TNFSF13B: variants seen among roughly 807,000 people sequenced by gnomAD.
TNFSF13B encodes tumor necrosis factor ligand superfamily member 13B.
TNFSF13B carries 8 observed loss-of-function variants against 29.1 expected under a neutral mutation model. That is an observed-to-expected ratio of 0.27 (90% confidence interval 0.16 to 0.50). The LOEUF (loss-of-function observed/expected upper bound fraction) is 0.50. TNFSF13B is among the 20% of genes least tolerant of loss of function. The probability of loss-of-function intolerance (pLI) is 0.98; values close to 1 mark genes in which losing one functional copy is unlikely to be tolerated. For missense variants in TNFSF13B, 248 were observed against 334.9 expected (o/e 0.74, Z 2.03); for synonymous variants, 125 against 130.8 (o/e 0.96, Z 0.30).
At chr13:108,299,757 T>A (rs553996449) in intron 3 of TNFSF13B, among the ~76,000 whole-genome samples, 12 of 152,194 alleles carry the variant, frequency 7.9e-5, no homozygotes, top group South Asian at 4.1e-4. Flanking sequence ...AGAGCCCAGG[T>A]AGGTATGTGG....
intron 3 of TNFSF13B, among the ~76,000 whole-genome samples, chr13:108,299,467 G>T (rs1255328093): frequency 6.6e-6 from 1 of 151,916 alleles, no homozygotes; most frequent in African/African-American, 2.4e-5. Context: ...CACTTGTTTA[G>T]TAATTTTTCC....
intron 2 of TNFSF13B, among the ~76,000 whole-genome samples, chr13:108,279,709 A>C (rs1880878352): frequency 6.6e-6 from 1 of 152,174 alleles, no homozygotes; most frequent in Admixed American, 6.5e-5. Context: ...TGGGCTAGGA[A>C]TTGTGAAAAA....
chr13:108,297,375 C>T lies in TNFSF13B; in HGVS notation c.482-5878C>T, dbSNP rs114558928. Among the ~76,000 whole-genome samples the T allele has an allele frequency of 5.6e-3, 822 of 145,632 alleles. 116 individuals are homozygous for T. The highest frequency in any genetic ancestry group is 0.02 in the African/African-American group (791 of 38,796). On this transcript the variant is annotated intron_variant, in intron 3 of 5. Coordinates refer to ENST00000375887, the MANE Select transcript of TNFSF13B (RefSeq NM_006573.5). The stretch of plus-strand genomic sequence containing the variant: ...TCTCTTTCTGCTTTCAAGATCTCCT[C>T]CTTGTCATTATCTTTTAATAGCTTG...
chr13:108,270,120 C>A lies in TNFSF13B; in HGVS notation c.225C>A (p.Asp75Glu). The A allele has an allele frequency of 6.2e-7, 1 of 1,602,614 alleles. No homozygotes were observed. Among genetic ancestry groups the A allele is most frequent in the Non-Finnish European group, 8.5e-7 (1 of 1,179,902 alleles). ...SFYQVAALQG[D>E]LASLRAELQG... ...ACCAGGTGGCCGCCCTGCAAGGGGA[C>A]CTGGCCAGCCTCCGGGCAGAGCTGC... Residue 75 changes from aspartate to glutamate, a missense_variant, in exon 1 of 6, where the codon GAC becomes GAA. Around this residue, in one of 2 missense-constraint regions of TNFSF13B, gnomAD observed 186 missense variants for 196.3 expected, o/e 0.95. Transcript: ENST00000375887.
At chr13:108,281,726 C>T (rs1291858171) in intron 2 of TNFSF13B, among the ~76,000 whole-genome samples, 2 of 152,156 alleles carry the variant, frequency 1.3e-5, no homozygotes, top group East Asian at 1.9e-4. Flanking sequence ...TCAAAGTTCT[C>T]GACTTTTATT....
At chr13:108,295,393 A>G (rs9520832) in intron 3 of TNFSF13B, among the ~76,000 whole-genome samples, 110,261 of 143,486 alleles carry the variant, frequency 0.77, 46,933 homozygotes, top group Non-Finnish European at 0.89. Context: ...GGATTTCACC[A>G]TGTTGGTCAG....
intron 2 of TNFSF13B, among the ~76,000 whole-genome samples, chr13:108,275,069 T>C (rs1341295996): frequency 6.6e-6 from 1 of 152,196 alleles, no homozygotes; most frequent in Non-Finnish European, 1.5e-5. Context: ...TTTTTGATTG[T>C]AGTATAATAA....
rs1283864344 is a variant in TNFSF13B, at chr13:108,306,975, T to G, written c.*37T>G. The G allele has an allele frequency of 1.1e-6, 1 of 936,250 alleles. No individual in the cohort carries two copies. The highest frequency in any genetic ancestry group is 1.6e-6 in the Non-Finnish European group (1 of 634,280). 58.0% of individuals were successfully genotyped at this position (936,250 alleles called of 1,614,324 possible). ...CATGTCTGTAGCTATTTTCCTCCCTTTCTCTGTACCTCTAAGAAGAAAGAA... is the reference window on the plus strand; with the variant it reads ...CATGTCTGTAGCTATTTTCCTCCCTGTCTCTGTACCTCTAAGAAGAAAGAA... On this transcript the variant is annotated 3_prime_UTR_variant, in exon 6 of 6. Transcript: ENST00000375887.
intron 2 of TNFSF13B, among the ~76,000 whole-genome samples, chr13:108,283,266 T>A (rs1169970479): frequency 6.6e-6 from 1 of 152,248 alleles, no homozygotes; most frequent in Non-Finnish European, 1.5e-5. Context: ...AGTAACTTTG[T>A]CTGGAACAAG....
At chr13:108,279,290 A>T (rs1238031854) in intron 2 of TNFSF13B, among the ~76,000 whole-genome samples, 1 of 152,212 alleles carries the variant, frequency 6.6e-6, no homozygotes, top group Non-Finnish European at 1.5e-5. Context: ...AGGGAGAGAA[A>T]CAGTTACAGA....
At position 108,307,624 on chromosome 13, in the gene TNFSF13B, C is replaced by A. The variant is rs1881817186; in HGVS notation, c.*686C>A. 1 of 151,700 alleles carries A rather than the reference C, an allele frequency of 6.6e-6. No homozygotes were observed. The highest frequency in any genetic ancestry group is 2.1e-4 in the South Asian group (1 of 4,820). 9.4% of individuals were successfully genotyped at this position (151,700 alleles called of 1,614,324 possible). ...TTTTTTCACAGGAGAGAGAGAATAT[C>A]CTCATTTGTTTATGCTCATGTGTAT... On this transcript the variant is annotated 3_prime_UTR_variant, in exon 6 of 6. Coordinates refer to ENST00000375887, the MANE Select transcript of TNFSF13B (RefSeq NM_006573.5).
intron 3 of TNFSF13B, among the ~76,000 whole-genome samples, chr13:108,298,231 C>A (rs2139065438): frequency 6.9e-6 from 1 of 144,682 alleles, no homozygotes; most frequent in South Asian, 2.1e-4. Context: ...TATGAGATAT[C>A]ACTGTACCTT....
At chr13:108,299,711 CT>C (rs1260035918) in intron 3 of TNFSF13B, among the ~76,000 whole-genome samples, 25 of 152,282 alleles carry the variant, frequency 1.6e-4, no homozygotes, top group Admixed American at 1.5e-3. Context: ...ACTAGGCTGT[CT>C]GCAGTTAAAC....
At chr13:108,304,922 GT>G (rs1467936191) in intron 5 of TNFSF13B, among the ~76,000 whole-genome samples, 1 of 152,072 alleles carries the variant, frequency 6.6e-6, no homozygotes, top group African/African-American at 2.4e-5. Context: ...GTAGTTTGGA[GT>G]TGCAAAATAT....
chr13:108,270,549 A>C (rs1880585181), intron 2 of TNFSF13B, 125 bp downstream of exon 2: 3 of 936,436 alleles, frequency 3.2e-6, no homozygotes, highest in Non-Finnish European at 1.6e-6. Flanking sequence ...TTTGCCATCC[A>C]AAGCAGACAT....
At position 108,303,720 on chromosome 13, in the gene TNFSF13B, A is replaced by G. The variant is rs1881692948; in HGVS notation, c.745+116A>G. ...TGCCCTAAAATACAAATAGACAGAA[A>G]GACATTCCTCAATATATTGTGTTTT... On this transcript the variant is annotated intron_variant, in intron 5 of 5. Transcript: ENST00000375887. 9 of 1,048,148 alleles carry G rather than the reference A, an allele frequency of 8.6e-6. No homozygotes were observed. The South Asian group carries it at 1.5e-4, about 17-fold the overall frequency. The allele number at this position is 1,048,148 out of a possible 1,614,324, so 64.9% of individuals were successfully genotyped here.
intron 5 of TNFSF13B, among the ~76,000 whole-genome samples, chr13:108,304,369 C>T (rs1289397877): frequency 6.6e-6 from 1 of 152,148 alleles, no homozygotes; most frequent in Admixed American, 6.5e-5. Context: ...ATTCAGATGA[C>T]ATCTTGTGTC....
chr13:108,292,425 A>G (rs1298598551), intron 3 of TNFSF13B, among the ~76,000 whole-genome samples: 1 of 152,088 alleles, frequency 6.6e-6, no homozygotes, highest in Non-Finnish European at 1.5e-5. Flanking sequence ...ACATTTGCAT[A>G]AAGTACTTCC....
chr13:108,279,420 G>T (rs547206169), intron 2 of TNFSF13B, among the ~76,000 whole-genome samples: 1 of 152,346 alleles, frequency 6.6e-6, no homozygotes, highest in South Asian at 2.1e-4. Flanking sequence ...ACTGAAGGAT[G>T]AATGGAGTTC....
Sources: gnomAD v4.1 joint callset for allele counts (sites outside exome capture counted in the v4.1 genomes callset) on GRCh38, gnomAD v4.1.1 for gene constraint, gnomAD v4.1.1 regional missense constraint, MANE v1.5 for transcripts, NCBI Gene and HGNC (gene_info 2026-07-23, HGNC 2026-07-21) for gene names.